Variants in PPP2R3A observed in about 807,000 individuals in gnomAD.
PPP2R3A encodes serine/threonine-protein phosphatase 2A regulatory subunit B'' subunit alpha.
A neutral mutation model predicts 106.9 loss-of-function variants in PPP2R3A; 80 were observed. The ratio of observed to expected loss-of-function variants is 0.75; its 90% CI spans 0.62 to 0.90. PPP2R3A has a LOEUF of 0.90. Ranked by LOEUF, PPP2R3A falls within the 40% of genes least tolerant of loss-of-function variation. The pLI, the probability that PPP2R3A is intolerant of heterozygous loss-of-function variation, is 0.00. For missense variants in PPP2R3A, 1,386 were observed against 1,350.4 expected, an observed-to-expected ratio of 1.03 and a Z score of -0.41; for synonymous variants, 483 against 468.3, an observed-to-expected ratio of 1.03 and a Z score of -0.41.
chr3:136,118,315 G>A (rs1260910166), intron 13 of PPP2R3A, among the ~76,000 whole-genome samples: 1 of 152,154 alleles, frequency 6.6e-6, no homozygotes. Context: ...TTGATAACCA[G>A]CACGAGACAA....
At chr3:136,054,570 T>C (rs1935796994) in intron 5 of PPP2R3A, among the ~76,000 whole-genome samples, 1 of 152,218 alleles carries the variant, frequency 6.6e-6, no homozygotes, top group Non-Finnish European at 1.5e-5. Flanking sequence ...TTCACAATTC[T>C]TAACGCTATT....
At chr3:135,969,521 T>C (rs926187577) in intron 1 of PPP2R3A, among the ~76,000 whole-genome samples, 2 of 152,184 alleles carry the variant, frequency 1.3e-5, no homozygotes, top group African/African-American at 2.4e-5. Context: ...CAGTTTACAT[T>C]GGGACTGCTG....
chr3:136,136,983 A>G (rs1026512412), intron 13 of PPP2R3A, among the ~76,000 whole-genome samples: 1 of 152,246 alleles, frequency 6.6e-6, no homozygotes, highest in Non-Finnish European at 1.5e-5. Flanking sequence ...TGATCACAGC[A>G]TACAACAGCA....
chr3:136,034,918 A>G (rs1022631216), intron 3 of PPP2R3A, among the ~76,000 whole-genome samples: 4 of 152,090 alleles, frequency 2.6e-5, no homozygotes, highest in Non-Finnish European at 4.4e-5. Context: ...GTTAGTGCAT[A>G]TATGTTTAGG....
chr3:136,050,768 A>C (rs759844739), intron 5 of PPP2R3A, among the ~76,000 whole-genome samples: 1 of 152,062 alleles, frequency 6.6e-6, no homozygotes, highest in Non-Finnish European at 1.5e-5. Flanking sequence ...ATGTTCCCTT[A>C]TGCTTTCCTA....
At chr3:136,044,459 C>G (rs1935401165) in intron 4 of PPP2R3A, among the ~76,000 whole-genome samples, 1 of 150,700 alleles carries the variant, frequency 6.6e-6, no homozygotes, top group Non-Finnish European at 1.5e-5. Context: ...TGGCTTGCAC[C>G]TGTAATCCTA....
At chr3:136,041,238 G>GTTTTTTTTTTTTTTTTTTTTTTTTTT (rs67116006) in intron 4 of PPP2R3A, among the ~76,000 whole-genome samples, 1 of 92,932 alleles carries the variant, frequency 1.1e-5, no homozygotes, top group African/African-American at 4.5e-5. Context: ...GGTTTTTCTT[G>GTTTTTTTTTTTTTTTTTTTTTTTTTT]TTTTTTTTTT....
At chr3:136,050,392 TAACCTCAGACCTTCCTGAGGTTTCTC>T (rs1935644378) in intron 5 of PPP2R3A, among the ~76,000 whole-genome samples, 1 of 152,222 alleles carries the variant, frequency 6.6e-6, no homozygotes, top group South Asian at 2.1e-4. Flanking sequence ...CGGATATTTT[TAACCTCAGACCTTCCTGAGGTTTCTC>T]AGCCTGGAGC....
At chr3:136,057,076 CCACA>C (rs369020104) in intron 5 of PPP2R3A, among the ~76,000 whole-genome samples, 3 of 136,912 alleles carry the variant, frequency 2.2e-5, no homozygotes, top group Non-Finnish European at 5.1e-5. Context: ...AGGACCCCCC[CCACA>C]CACACCGTTG....
rs915800056 is a variant in PPP2R3A at position 136,001,864 on chromosome 3, G to A, written c.366G>A (p.Gly122=). The A allele has an allele frequency of 1.9e-6, 3 of 1,614,032 alleles. No individual in the cohort carries two copies. Among genetic ancestry groups the A allele is most frequent in the Non-Finnish European group, 2.5e-6 (3 of 1,180,012 alleles). Residue 122 remains glycine, a synonymous_variant, in exon 2 of 14, where the codon GGG becomes GGA. Coordinates refer to ENST00000264977, the MANE Select transcript of PPP2R3A (RefSeq NM_002718.5). Reference sequence around the variant, plus strand: ...GAGAAGCAATCAGTTTTGCCAGTGGGAAAATAAAAGAATTTTCCTTTGAAA... The same window carrying A: ...GAGAAGCAATCAGTTTTGCCAGTGGAAAAATAAAAGAATTTTCCTTTGAAA... ...IAGEAISFAS[G]KIKEFSFEKL... is the part of the protein sequence containing the mutation.
intron 1 of PPP2R3A, among the ~76,000 whole-genome samples, chr3:135,982,028 A>C (rs1350195355): frequency 6.6e-6 from 1 of 151,806 alleles, no homozygotes; most frequent in Non-Finnish European, 1.5e-5. Flanking sequence ...ACCAGTTAGA[A>C]GTCCATGACA....
chr3:136,019,827 A>C lies in PPP2R3A; in HGVS notation c.1996-7005A>C, dbSNP rs995217900. ...TTTTGGAAAACATTTTGATATATCAAAACTTACCAATTATTTCCTCATCAA... is the reference window on the plus strand; with the variant it reads ...TTTTGGAAAACATTTTGATATATCACAACTTACCAATTATTTCCTCATCAA... On this transcript the variant is annotated intron_variant, in intron 2 of 13. Transcript: ENST00000264977. Among the ~76,000 whole-genome samples the C allele has an allele frequency of 2.0e-5, 3 of 152,204 alleles. No individual in the cohort carries two copies. In the South Asian group the frequency reaches 6.2e-4, roughly 32 times the overall value.
chr3:136,127,210 A>G (rs1055761759), intron 13 of PPP2R3A, among the ~76,000 whole-genome samples: 15 of 152,194 alleles, frequency 9.9e-5, no homozygotes, highest in African/African-American at 3.1e-4. Context: ...GGTAATAACA[A>G]ACTTCACCAA....
At chr3:136,063,167 G>A (rs1178557203) in intron 5 of PPP2R3A, among the ~76,000 whole-genome samples, 5 of 152,218 alleles carry the variant, frequency 3.3e-5, no homozygotes, top group Middle Eastern at 6.8e-3. Context: ...ACAAGCAATG[G>A]GGAAAGGATT....
At chr3:136,046,000 A>G (rs1935458736) in intron 4 of PPP2R3A, among the ~76,000 whole-genome samples, 1 of 151,818 alleles carries the variant, frequency 6.6e-6, no homozygotes, top group African/African-American at 2.4e-5. Flanking sequence ...CCTAGGTAAC[A>G]TGGCAAGACT....
intron 13 of PPP2R3A, among the ~76,000 whole-genome samples, chr3:136,108,424 T>C (rs1349519323): frequency 6.6e-6 from 1 of 151,986 alleles, no homozygotes; most frequent in African/African-American, 2.4e-5. Flanking sequence ...TAAAATGTAA[T>C]AGAAAAGAAA....
chr3:136,060,237 CATT>C (rs1466913894), intron 5 of PPP2R3A, among the ~76,000 whole-genome samples: 10 of 152,184 alleles, frequency 6.6e-5, no homozygotes, highest in Non-Finnish European at 1.5e-5. Flanking sequence ...ATTTGGATGA[CATT>C]ATGTTAAGTG....
chr3:136,002,028 T>C lies in PPP2R3A; in HGVS notation c.530T>C (p.Leu177Pro), dbSNP rs753128497. ...NDGNAPSFGLLRSSSVEEKPL... is the reference protein window; with the variant it reads ...NDGNAPSFGLPRSSSVEEKPL... ...GGGAACGCCCCATCCTTTGGTTTAC[T>C]GCGGAGTTCCTCAGTTGAGGAAAAA... The change falls in exon 2 of 14, where the codon CTG (leucine) becomes CCG (proline). Residue 177 changes from leucine to proline, a missense_variant. Physicochemically the swap from Leu to Pro is moderately conservative, Grantham distance 98 (BLOSUM62 -3). Transcript: ENST00000264977. 2 of 1,614,072 alleles carry C rather than the reference T, an allele frequency of 1.2e-6. No homozygotes were observed. Among genetic ancestry groups the C allele is most frequent in the Non-Finnish European group, 1.7e-6 (2 of 1,179,994 alleles).
At chr3:136,046,512 G>C (rs566830283) in intron 4 of PPP2R3A, among the ~76,000 whole-genome samples, 1 of 150,226 alleles carries the variant, frequency 6.7e-6, no homozygotes, top group Non-Finnish European at 1.5e-5. Context: ...CCCTCTGAAA[G>C]CATGCAGAAA....
Sources: allele counts gnomAD v4.1 joint callset (sites outside exome capture counted in the v4.1 genomes callset), GRCh38; gene constraint gnomAD v4.1.1; transcripts MANE v1.5; gene names NCBI Gene and HGNC (gene_info 2026-07-23, HGNC 2026-07-21).